The following EVC2 variants were observed in gnomAD, a reference collection of about 807,000 sequenced individuals.
EVC2 encodes the protein limbin.
Under a neutral mutation model 149.3 loss-of-function variants are expected in EVC2, and 148 were observed. The observed-to-expected ratio is 0.99, with a 90% CI of 0.87 to 1.14. The LOEUF (loss-of-function observed/expected upper bound fraction) is 1.14. EVC2 is among the 50% of genes most tolerant of loss of function. EVC2 has a pLI of 0.00. For missense variants in EVC2, 1,854 were observed against 1,627.3 expected (o/e 1.14, Z -2.40); for synonymous variants, 776 against 649.9 (o/e 1.19, Z -2.95).
intron 16 of EVC2, 85 bp from the exon 17 acceptor site, chr4:5,584,935 C>G: frequency 1.4e-6 from 2 of 1,440,232 alleles, no homozygotes; most frequent in Non-Finnish European, 1.9e-6. Flanking sequence ...TCAGAGTTCA[C>G]AGACCTGGGA....
chr4:5,577,610 G>T (rs1212762410), intron 17 of EVC2, among the ~76,000 whole-genome samples: 2 of 152,026 alleles, frequency 1.3e-5, no homozygotes, highest in Non-Finnish European at 2.9e-5. Flanking sequence ...GGGTCTCAAA[G>T]CCCCCTAAAG....
chr4:5,612,658 C>T (rs1714922462), intron 16 of EVC2, among the ~76,000 whole-genome samples: 1 of 152,140 alleles, frequency 6.6e-6, no homozygotes, highest in South Asian at 2.1e-4. Context: ...CATGGTGGCT[C>T]ACGCCTATAA....
At position 5,708,482 on chromosome 4, in the gene EVC2, G is replaced by A. The variant is rs1279975852; in HGVS notation, c.32C>T (p.Thr11Met). 9 of 1,486,612 alleles carry A rather than the reference G, an allele frequency of 6.1e-6. No homozygotes were observed. The highest frequency in any genetic ancestry group is 2.8e-5 in the East Asian group (1 of 35,340). 92.1% of individuals were successfully genotyped at this position (1,486,612 alleles called of 1,614,324 possible). ...CAGGAGACCCCCGGCCAGCACCCAC[G>A]TGGGGCGCCCCCGGGAGCCCGAGGG... MDPSGSRGRP[T>M]WVLAGGLLAV... The change falls in exon 1 of 22, where the codon ACG becomes ATG. Residue 11 changes from threonine (T) to methionine (M), a missense_variant. Physicochemically the swap from Thr to Met is moderately conservative, Grantham distance 81. Coordinates refer to ENST00000344408, the MANE Select transcript of EVC2 (RefSeq NM_147127.5).
At chr4:5,561,494 G>A (rs1414418238), downstream of EVC2, among the ~76,000 whole-genome samples, 1 of 152,180 alleles carries the variant, frequency 6.6e-6, no homozygotes. Flanking sequence ...CAGTCAAGTG[G>A]CAGCTGAAAA....
At chr4:5,635,455 AAGTGTCCCCTGGAGGG>A (rs11273893) in intron 10 of EVC2, among the ~76,000 whole-genome samples, 9,503 of 152,198 alleles carry the variant, frequency 0.062, 982 homozygotes, top group African/African-American at 0.21. Flanking sequence ...CTAGAAAAGC[AAGTGTCCCCTGGAGGG>A]AGTGTCCCAT....
At chr4:5,588,921 G>C (rs1240078410) in intron 16 of EVC2, among the ~76,000 whole-genome samples, 1 of 152,198 alleles carries the variant, frequency 6.6e-6, no homozygotes, top group Non-Finnish European at 1.5e-5. Context: ...CACAAGCTTA[G>C]CATTCCAATA....
chr4:5,699,772 A>G (rs1252301582), intron 1 of EVC2, among the ~76,000 whole-genome samples: 3 of 151,870 alleles, frequency 2.0e-5, no homozygotes, highest in Non-Finnish European at 2.9e-5. Flanking sequence ...GCAGTGAGCT[A>G]TGATCATGCC....
chr4:5,584,688 C>T lies in EVC2; in HGVS notation c.2992G>A (p.Glu998Lys), dbSNP rs762668930. Residue 998 changes from glutamate to lysine, a missense_variant, in exon 17 of 22, where the codon GAG becomes AAG. By Grantham distance (56) the Glu-to-Lys change is moderately conservative (BLOSUM62 1). Transcript: ENST00000344408. ...LLSIQDLLLE[E>K]LSASEMLTKS... is the part of the protein sequence containing the mutation. The stretch of plus-strand genomic sequence containing the variant: ...GTCAGCATCTCAGATGCACTCAGCT[C>T]TTCCAGGAGCAAGTCCTGGATGCTG... 1 of 1,614,134 alleles carries T rather than the reference C, an allele frequency of 6.2e-7. No individual in the cohort carries two copies. Among genetic ancestry groups the T allele is most frequent in the Non-Finnish European group, 8.5e-7 (1 of 1,180,010 alleles).
intron 17 of EVC2, among the ~76,000 whole-genome samples, chr4:5,577,830 AAC>A (rs564327120): frequency 7.5e-4 from 114 of 152,240 alleles, no homozygotes; most frequent in Middle Eastern, 3.4e-3. Flanking sequence ...CCCACAAGGA[AAC>A]ACAGCCCAGT....
rs10007848 is a variant in EVC2 at position 5,614,390 on chromosome 4, C to T, written c.2829+1032G>A. The stretch of plus-strand genomic sequence containing the variant: ...GCAACCCCAGAGTTAACTGACACAG[C>T]GCCTGGGACACTGTTGCCTCCCCAA... On this transcript the variant is annotated intron_variant, in intron 16 of 21. Coordinates refer to ENST00000344408, the MANE Select transcript of EVC2 (RefSeq NM_147127.5). The surrounding 1 kb of genome is among the most constrained non-coding windows in gnomAD (Gnocchi z 4.7). 0.11 allele frequency among the ~76,000 whole-genome samples: 14,909 copies of T among 141,262 alleles called. 1,432 individuals carry two copies. The highest frequency in any genetic ancestry group is 0.27 in the African/African-American group (10,182 of 38,272). 92.7% of individuals were successfully genotyped at this position (141,262 alleles called of 152,430 possible).
chr4:5,632,084 T>C (rs770751055), intron 10 of EVC2, 52 bp from the exon 11 acceptor site: 5 of 1,608,730 alleles, frequency 3.1e-6, no homozygotes, highest in Non-Finnish European at 4.2e-6. Context: ...AACATGCACC[T>C]ACATGTGCAT....
At position 5,640,118 on chromosome 4, in the gene EVC2, A is replaced by T. The variant is rs1717207924; in HGVS notation, c.1470+396T>A. ...TGGATGGGTAGAAGGCTAGATGGGGAATAAGTGGATGGGTAAATTGTTGGA... is the reference window on the plus strand; with the variant it reads ...TGGATGGGTAGAAGGCTAGATGGGGTATAAGTGGATGGGTAAATTGTTGGA... On this transcript the variant is annotated intron_variant, in intron 10 of 21. Transcript: ENST00000344408. This position sits in a 1 kb window ranked among gnomAD's most constrained non-coding sequence, Gnocchi z 4.6. Among the ~76,000 whole-genome samples, 2 of 151,780 alleles carry T rather than the reference A, an allele frequency of 1.3e-5. No homozygotes were observed. The highest frequency in any genetic ancestry group is 2.9e-5 in the Non-Finnish European group (2 of 67,972).
chr4:5,542,066 C>T (rs1053121395), downstream of EVC2, among the ~76,000 whole-genome samples: 3 of 152,094 alleles, frequency 2.0e-5, no homozygotes, highest in Non-Finnish European at 4.4e-5. Flanking sequence ...GCCAGCTAGC[C>T]CTTCCTGCCA....
In EVC2 at chr4:5,569,095, A is replaced by C. The variant is rs940552499; in HGVS notation, c.3361-455T>G. ...GGATACCACTCTGCAGTCAGAAGAAAGAACTGGAAGGATCCCAGGGGCATT... is the reference window on the plus strand; with the variant it reads ...GGATACCACTCTGCAGTCAGAAGAACGAACTGGAAGGATCCCAGGGGCATT... On this transcript the variant is annotated intron_variant, in intron 19 of 21. Coordinates refer to ENST00000344408, the MANE Select transcript of EVC2 (RefSeq NM_147127.5). This position sits in a 1 kb window ranked among gnomAD's most constrained non-coding sequence, Gnocchi z 4.8. Among the ~76,000 whole-genome samples the C allele has an allele frequency of 6.6e-6, 1 of 152,244 alleles. No individual in the cohort carries two copies. The highest frequency in any genetic ancestry group is 1.5e-5 in the Non-Finnish European group (1 of 68,040).
In EVC2 at chr4:5,625,318, A is replaced by G. The variant is rs1716025116; in HGVS notation, c.2046+431T>C. 7.5e-6 allele frequency among the ~76,000 whole-genome samples: 1 copy of G among 134,152 alleles called. No homozygotes were observed. The highest frequency in any genetic ancestry group is 3.9e-5 in the African/African-American group (1 of 25,970). 88.0% of individuals were successfully genotyped at this position (134,152 alleles called of 152,430 possible). On this transcript the variant is annotated intron_variant, in intron 13 of 21. Transcript: ENST00000344408. This position sits in a 1 kb window ranked among gnomAD's most constrained non-coding sequence, Gnocchi z 4.0. ...TTTGACCTTGACCATACACACACAC[A>G]CACACACACACACACACACACACAC...
chr4:5,652,780 C>A (rs1191414019), intron 9 of EVC2, among the ~76,000 whole-genome samples: 1 of 152,114 alleles, frequency 6.6e-6, no homozygotes. Flanking sequence ...TCAGAATGAC[C>A]AGAATGATTT....
chr4:5,553,406 C>T (rs1721776838), intron 21 of EVC2, among the ~76,000 whole-genome samples: 1 of 152,266 alleles, frequency 6.6e-6, no homozygotes, highest in Middle Eastern at 3.4e-3. Flanking sequence ...GATGACAATT[C>T]AACATGAGAT....
chr4:5,534,815 T>G, the EVC2 span, among the ~76,000 whole-genome samples: 1 of 102,374 alleles, frequency 9.8e-6, no homozygotes, highest in East Asian at 2.9e-4. Context: ...TAGCATCTGG[T>G]AGGAAAAAAA....
intron 10 of EVC2, among the ~76,000 whole-genome samples, chr4:5,638,197 TG>T (rs1378783373): frequency 1.3e-5 from 2 of 152,082 alleles, no homozygotes; most frequent in African/African-American, 4.8e-5. Context: ...GAGATCAGTG[TG>T]GCCAACATGG....
Sources: gnomAD v4.1 joint callset for allele counts (sites outside exome capture counted in the v4.1 genomes callset) on GRCh38, gnomAD v4.1.1 for gene constraint, Gnocchi (gnomAD v3.1) non-coding constraint, MANE v1.5 for transcripts, NCBI Gene and HGNC (gene_info 2026-07-23, HGNC 2026-07-21) for gene names.